The following KMT5C variants were observed in gnomAD, a reference collection of about 807,000 sequenced individuals.
The protein encoded by KMT5C is lysine methyltransferase 5C.
A neutral mutation model predicts 38.2 loss-of-function variants in KMT5C; 16 were observed. That is an observed-to-expected ratio of 0.42 (90% CI 0.28 to 0.64). The LOEUF is 0.64. KMT5C is among the 30% of genes least tolerant of loss of function. KMT5C has a pLI of 0.23. For synonymous variants in KMT5C, 291 were observed against 279.0 expected (o/e 1.04, Z -0.43); for missense variants, 598 against 665.1 (o/e 0.90, Z 1.11).
chr19:55,341,216 C>T lies in KMT5C; in HGVS notation c.-143-578C>T, dbSNP rs181356395. On this transcript the variant is annotated intron_variant, in intron 1 of 8. Transcript: ENST00000255613. ...CTTCCTTTGCTCCCCTCCCCACCCC[C>T]GCTTTTGTCCTCTGAGCCCCCCTCC... 2.8e-3 allele frequency among the ~76,000 whole-genome samples: 429 copies of T among 152,304 alleles called. 1 individual carries two copies. Among genetic ancestry groups the T allele is most frequent in the African/African-American group, 9.8e-3 (408 of 41,562 alleles).
chr19:55,347,107 C>T lies in KMT5C; in HGVS notation c.1047C>T (p.His349=), dbSNP rs2089629519. ...GGAGGGCCCCAGTGCTCTCCACCCA[C>T]CACGCTGCCCGCGTCTCCCTGCACC... ...RPRRAPVLST[H]HAARVSLHRW... Residue 349 remains histidine, a synonymous_variant, in exon 9 of 9, where the codon CAC becomes CAT. Transcript: ENST00000255613. This position sits in a 1 kb window ranked among gnomAD's most constrained non-coding sequence, Gnocchi z 4.6. 6.4e-7 allele frequency: 1 copy of T among 1,556,034 alleles called. No individual in the cohort carries two copies. The highest frequency in any genetic ancestry group is 1.4e-5 in the African/African-American group (1 of 73,746).
At chr19:55,345,963 A>T (rs1306978900) in intron 6 of KMT5C, 3 of 551,160 alleles carry the variant, frequency 5.4e-6, no homozygotes, top group Non-Finnish European at 9.8e-6. Flanking sequence ...GCACGCTGCC[A>T]GAAGGTCAGG....
In KMT5C at chr19:55,343,034, A is replaced by G. The variant is rs2123191500; in HGVS notation, c.386+183A>G. On this transcript the variant is annotated intron_variant, in intron 4 of 8. Coordinates refer to ENST00000255613, the MANE Select transcript of KMT5C (RefSeq NM_032701.4). This position sits in a 1 kb window ranked among gnomAD's most constrained non-coding sequence, Gnocchi z 5.5. Reference sequence around the variant, plus strand: ...TTTGTGGCTACCGTGGTGCCGCTGGAGCAGGAGACCCCGGATGTGACCCCA... The same window carrying G: ...TTTGTGGCTACCGTGGTGCCGCTGGGGCAGGAGACCCCGGATGTGACCCCA... 1.7e-6 allele frequency: 1 copy of G among 587,292 alleles called. No homozygotes were observed. 36.4% of individuals were successfully genotyped at this position (587,292 alleles called of 1,614,324 possible). A position where few individuals can be genotyped will look rare whatever the true frequency, so the allele number is the denominator to read the frequency against.
At position 55,347,461 on chromosome 19, in the gene KMT5C, G is replaced by C; in HGVS notation, c.*12G>C. 2 of 1,519,598 alleles carry C rather than the reference G, an allele frequency of 1.3e-6. No homozygotes were observed. The highest frequency in any genetic ancestry group is 2.8e-5 in the African/African-American group (2 of 72,264). 94.1% of individuals were successfully genotyped at this position (1,519,598 alleles called of 1,614,324 possible). On this transcript the variant is annotated 3_prime_UTR_variant, in exon 9 of 9. Transcript: ENST00000255613. This position sits in a 1 kb window ranked among gnomAD's most constrained non-coding sequence, Gnocchi z 4.6. ...GTGAAGAGCTGTGACAGGCCGGACGGGGAGGCCCAGCAGGGAGAGAGGGTC... is the reference window on the plus strand; with the variant it reads ...GTGAAGAGCTGTGACAGGCCGGACGCGGAGGCCCAGCAGGGAGAGAGGGTC...
chr19:55,340,703 C>G (rs1411664892), intron 1 of KMT5C, among the ~76,000 whole-genome samples: 2 of 152,024 alleles, frequency 1.3e-5, no homozygotes, highest in Non-Finnish European at 2.9e-5. Context: ...CCTGGACCGC[C>G]CCCCGACCCA....
chr19:55,344,869 G>C (rs1338691608), intron 6 of KMT5C: 1 of 474,518 alleles, frequency 2.1e-6, no homozygotes. Context: ...AAGGGATCCA[G>C]ATTTTTGGCT....
intron 6 of KMT5C, 80 bp from the exon 7 acceptor site, chr19:55,346,133 G>C (rs1203496730): frequency 1.3e-6 from 2 of 1,569,636 alleles, no homozygotes; most frequent in Admixed American, 1.7e-5. Context: ...CTCCGGGCCA[G>C]GGTGCCCGGC....
chr19:55,346,956 C>T lies in KMT5C; in HGVS notation c.896C>T (p.Ala299Val), dbSNP rs1417232901. ...PSPLRRDPFC[A>V]ACQPLRLPAC... ...CTCCCTGCCACCTGGGCCTTCACAG[C>T]CGCCTGCCAGCCCCTGCGCCTGCCA... The change falls in exon 9 of 9, where the codon GCC becomes GTC. Residue 299 changes from alanine to valine, a missense_variant and splice_region_variant. Coordinates refer to ENST00000255613, the MANE Select transcript of KMT5C (RefSeq NM_032701.4). 1.1e-6 allele frequency: 1 copy of T among 950,360 alleles called. No individual in the cohort carries two copies. The highest frequency in any genetic ancestry group is 2.4e-5 in the East Asian group (1 of 41,854). The allele number at this position is 950,360 out of a possible 1,614,324, so 58.9% of individuals were successfully genotyped here.
chr19:55,342,974 T>A, intron 4 of KMT5C, 123 bp downstream of exon 4: 2 of 680,106 alleles, frequency 2.9e-6, no homozygotes, highest in South Asian at 3.2e-5. Context: ...CCTCCGGGCA[T>A]CCTAGGAAGG....
In KMT5C at chr19:55,342,052, G is replaced by A. The variant is rs1600261206; in HGVS notation, c.110+6G>A. ...ACCCATAAGATGAACGTCAGGTGAG[G>A]TGGCCTGGGGGCGAGGGTGGGCCCG... On this transcript the variant is annotated splice_donor_region_variant and intron_variant, in intron 2 of 8. Transcript: ENST00000255613. The A allele has an allele frequency of 1.9e-6, 3 of 1,610,794 alleles. No homozygotes were observed. The East Asian group carries it at 6.7e-5, about 36-fold the overall frequency.
chr19:55,342,939 A>C, intron 4 of KMT5C, 88 bp downstream of exon 4: 2 of 858,832 alleles, frequency 2.3e-6, no homozygotes, highest in Non-Finnish European at 3.9e-6. Flanking sequence ...GGACTGGCCA[A>C]CCGGGGAAAA....
rs934685650 is a variant in KMT5C at position 55,343,446 on chromosome 19, G to T, written c.387-234G>T. 147 of 578,932 alleles carry T rather than the reference G, an allele frequency of 2.5e-4. 1 individual carries two copies. Among genetic ancestry groups the T allele is most frequent in the Non-Finnish European group, 4.3e-4 (138 of 323,516 alleles). 35.9% of individuals were successfully genotyped at this position (578,932 alleles called of 1,614,324 possible). A position where few individuals can be genotyped will look rare whatever the true frequency, so the allele number is the denominator to read the frequency against. On this transcript the variant is annotated intron_variant, in intron 4 of 8. Transcript: ENST00000255613. The surrounding 1 kb of genome is among the most constrained non-coding windows in gnomAD (Gnocchi z 5.5). ...AATGGGGGCTGTATCTGCTGTGTGC[G>T]TGCTGCCCTGAAGGCTTTCAGTAGA... is the stretch of plus-strand genomic sequence containing the variant.
Position 55,344,008 on chromosome 19 carries a change from G to A in KMT5C, c.570+11G>A, listed in dbSNP as rs764610881. 1.2e-6 allele frequency: 2 copies of A among 1,610,508 alleles called. No homozygotes were observed. The highest frequency in any genetic ancestry group is 3.3e-5 in the Admixed American group (2 of 59,892). Reference sequence around the variant, plus strand: ...AAACCCAACTGCAAGGTAAGGCCTTGGGACTCGGGAGGAGAGGGCACGCAG... The same window carrying A: ...AAACCCAACTGCAAGGTAAGGCCTTAGGACTCGGGAGGAGAGGGCACGCAG... On this transcript the variant is annotated intron_variant, in intron 6 of 8. Coordinates refer to ENST00000255613, the MANE Select transcript of KMT5C (RefSeq NM_032701.4).
At chr19:55,346,917 C>G in intron 8 of KMT5C, 39 bp from the exon 9 acceptor site, 1 of 817,840 alleles carries the variant, frequency 1.2e-6, no homozygotes, top group Non-Finnish European at 2.1e-6. Context: ...CTTCACCTCT[C>G]CTTTGTTCCT....
intron 6 of KMT5C, chr19:55,345,279 G>A (rs1205455881): frequency 5.7e-6 from 2 of 353,344 alleles, no homozygotes; most frequent in Non-Finnish European, 1.1e-5. Flanking sequence ...GGCTGGGGGT[G>A]CCCAGCGACG....
Position 55,346,552 on chromosome 19 carries a change from C to T in KMT5C, c.760C>T (p.Arg254Trp), listed in dbSNP as rs143875189. The change falls in exon 8 of 9, where the codon CGG becomes TGG. Residue 254 changes from arginine (R) to tryptophan (W), a missense_variant. Around this residue, in one of 3 missense-constraint regions of KMT5C, gnomAD observed 105 missense variants for 179.2 expected, o/e 0.59. Transcript: ENST00000255613. ...GCCTAGGGAGCCCGCGTTGCCACCA[C>T]GGCCCCTGGACAAGTACCAGCTGCG... The part of the protein sequence containing the change: ...TRPREPALPP[R>W]PLDKYQLRET... 426 of 1,595,372 alleles carry T rather than the reference C, an allele frequency of 2.7e-4. 1 individual carries two copies. The highest frequency in any genetic ancestry group is 1.2e-3 in the Middle Eastern group (7 of 6,058).
intron 6 of KMT5C, chr19:55,344,682 A>T (rs1431536527): frequency 1.9e-6 from 1 of 518,362 alleles, no homozygotes; most frequent in Non-Finnish European, 3.9e-6. Context: ...AGGAGCAGGG[A>T]GGCCAGAGAG....
chr19:55,342,193 C>T (rs1178130629), intron 2 of KMT5C, 22 bp from the exon 3 acceptor site: 1 of 1,605,656 alleles, frequency 6.2e-7, no homozygotes, highest in East Asian at 2.2e-5. Flanking sequence ...GCCCTGGGAC[C>T]CAGGCATGCC....
chr19:55,346,088 G>T, intron 6 of KMT5C, 125 bp from the exon 7 acceptor site: 1 of 1,191,108 alleles, frequency 8.4e-7, no homozygotes. Context: ...GCCACTTTTA[G>T]GGGCTCAGCT....
Sources: allele counts gnomAD v4.1 joint callset (sites outside exome capture counted in the v4.1 genomes callset), GRCh38; gene constraint gnomAD v4.1.1; regional missense constraint gnomAD v4.1.1; non-coding constraint Gnocchi (gnomAD v3.1); transcripts MANE v1.5; gene names NCBI Gene and HGNC (gene_info 2026-07-23, HGNC 2026-07-21).